The following MAPRE2 variants were observed in gnomAD, a reference collection of about 807,000 sequenced individuals.
MAPRE2 encodes the protein microtubule associated protein RP/EB family member 2, also known as microtubule-associated protein RP/EB family member 2.
In MAPRE2, 13 loss-of-function variants were observed where a neutral mutation model predicts 43.2. The observed-to-expected ratio is 0.30, with a 90% CI of 0.20 to 0.48. The LOEUF (loss-of-function observed/expected upper bound fraction) is 0.48, where lower values mean the gene tolerates loss of function less well. Among genes scored for constraint, MAPRE2 ranks in the 20% least tolerant of loss-of-function variants. The pLI is 0.99. For missense variants in MAPRE2, 161 were observed against 400.2 expected (o/e 0.40, Z 5.10); for synonymous variants, 135 against 148.8 (o/e 0.91, Z 0.68).
At chr18:35,084,887 T>C (rs1907798229) in intron 2 of MAPRE2, among the ~76,000 whole-genome samples, 1 of 152,208 alleles carries the variant, frequency 6.6e-6, no homozygotes, top group African/African-American at 2.4e-5. Flanking sequence ...TGATCTTTAT[T>C]TTGGCATTTG....
chr18:34,978,504 T>C (rs139184551), intron 1 of MAPRE2: 2 of 1,551,526 alleles, frequency 1.3e-6, no homozygotes, highest in East Asian at 2.4e-5. Flanking sequence ...TTTTGCTGAA[T>C]AGGACACTGT....
chr18:35,003,986 C>T (rs2097030586), intron 1 of MAPRE2, among the ~76,000 whole-genome samples: 1 of 152,166 alleles, frequency 6.6e-6, no homozygotes, highest in Non-Finnish European at 1.5e-5. Flanking sequence ...TAGTTATTGA[C>T]ACTATGTACA....
At chr18:35,037,343 A>C (rs2097051071), upstream of MAPRE2, among the ~76,000 whole-genome samples, 2 of 152,222 alleles carry the variant, frequency 1.3e-5, no homozygotes, top group South Asian at 4.1e-4. Context: ...TTTAATCTCC[A>C]TCTCCACAGC....
chr18:35,043,895 G>A (rs1603393315), intron 1 of MAPRE2, among the ~76,000 whole-genome samples: 1 of 152,242 alleles, frequency 6.6e-6, no homozygotes, highest in African/African-American at 2.4e-5. Context: ...ATAGGAAAAG[G>A]AAAAATGTGA....
chr18:35,023,322 T>G (rs1183303709), intron 2 of MAPRE2, among the ~76,000 whole-genome samples: 1 of 151,708 alleles, frequency 6.6e-6, no homozygotes, highest in African/African-American at 2.4e-5. Flanking sequence ...ACCATCCTGG[T>G]GAACACTGTG....
chr18:35,096,707 CAATT>C (rs996299310), intron 2 of MAPRE2, among the ~76,000 whole-genome samples: 26 of 151,702 alleles, frequency 1.7e-4, no homozygotes, highest in African/African-American at 6.1e-4. Context: ...CAAAATTTAA[CAATT>C]AAATTTACCA....
chr18:34,993,121 G>A (rs1441267536), intron 1 of MAPRE2, among the ~76,000 whole-genome samples: 1 of 152,128 alleles, frequency 6.6e-6, no homozygotes, highest in African/African-American at 2.4e-5. Flanking sequence ...ATGAATGAAT[G>A]AGTGAGACAG....
intron 1 of MAPRE2, among the ~76,000 whole-genome samples, chr18:35,060,376 T>C (rs918114963): frequency 6.6e-5 from 10 of 152,128 alleles, no homozygotes; most frequent in Non-Finnish European, 1.3e-4. Flanking sequence ...CTCTAGGTCA[T>C]TGAAATTATT....
chr18:35,057,975 G>A (rs507549), intron 1 of MAPRE2, among the ~76,000 whole-genome samples: 95,312 of 152,026 alleles, frequency 0.63, 29,936 homozygotes, highest in East Asian at 0.84. Context: ...TAAAGTGCAG[G>A]AGAGAACCTG....
chr18:35,016,575 A>G (rs2097038398), intron 2 of MAPRE2, among the ~76,000 whole-genome samples: 2 of 151,976 alleles, frequency 1.3e-5, no homozygotes, highest in African/African-American at 4.8e-5. Flanking sequence ...AGCATTTTTC[A>G]TAAGTTTGTT....
At chr18:35,068,101 G>A (rs899998838) in intron 1 of MAPRE2, among the ~76,000 whole-genome samples, 1 of 152,068 alleles carries the variant, frequency 6.6e-6, no homozygotes, top group African/African-American at 2.4e-5. Flanking sequence ...CCTTCATTTA[G>A]CACTTTAAAG....
At chr18:35,013,163 T>C (rs1413284502) in intron 2 of MAPRE2, among the ~76,000 whole-genome samples, 5 of 152,238 alleles carry the variant, frequency 3.3e-5, no homozygotes, top group African/African-American at 1.2e-4. Flanking sequence ...GGGAGCCAGA[T>C]GCAAGAAGTT....
At chr18:35,105,083 T>C (rs779436439) in intron 4 of MAPRE2, among the ~76,000 whole-genome samples, 3 of 152,140 alleles carry the variant, frequency 2.0e-5, no homozygotes, top group East Asian at 1.9e-4. Context: ...GGCCTCGTTT[T>C]CTAGGAATTC....
At chr18:35,004,149 C>T (rs554966427) in intron 1 of MAPRE2, among the ~76,000 whole-genome samples, 18 of 152,190 alleles carry the variant, frequency 1.2e-4, no homozygotes, top group African/African-American at 4.1e-4. Flanking sequence ...TTTAACTAAA[C>T]ATCTCCTTTT....
rs1320300034 is a variant in MAPRE2, at chr18:35,115,345, CAGT to C, written c.611-11600_611-11598del. Among the ~76,000 whole-genome samples, 3 of 152,278 alleles carry C rather than the reference CAGT, an allele frequency of 2.0e-5. No individual in the cohort carries two copies. The East Asian group carries it at 5.8e-4, about 29-fold the overall frequency. ...TTAGAAAGTATGCTAGTACACTACA[CAGT>C]AGCTCAGAAAATGTTTCCTTTTGAA... On this transcript the variant is annotated intron_variant, in intron 4 of 6. Coordinates refer to ENST00000300249, the MANE Select transcript of MAPRE2 (RefSeq NM_014268.4).
intron 4 of MAPRE2, among the ~76,000 whole-genome samples, chr18:35,108,143 C>A (rs1057042296): frequency 6.6e-6 from 1 of 152,146 alleles, no homozygotes; most frequent in African/African-American, 2.4e-5. Context: ...CCCAAACAGG[C>A]CCCAGTGTAT....
At chr18:35,092,237 C>T (rs916631769) in intron 2 of MAPRE2, among the ~76,000 whole-genome samples, 36 of 152,112 alleles carry the variant, frequency 2.4e-4, no homozygotes, top group Admixed American at 1.5e-3. Context: ...TGGGTGGGGA[C>T]GCAGATCCAA....
chr18:35,126,512 A>G (rs1403754370), intron 4 of MAPRE2, among the ~76,000 whole-genome samples: 2 of 152,254 alleles, frequency 1.3e-5, no homozygotes, highest in African/African-American at 2.4e-5. Context: ...GTTTTAAAAG[A>G]GAAAAAAATA....
chr18:35,134,472 A>G (rs916710017), intron 6 of MAPRE2, among the ~76,000 whole-genome samples: 3 of 152,246 alleles, frequency 2.0e-5, no homozygotes, highest in Admixed American at 2.0e-4. Context: ...TACTAACCCA[A>G]TGGCTCATAG....
Sources: gnomAD v4.1 joint callset for allele counts (sites outside exome capture counted in the v4.1 genomes callset) on GRCh38, gnomAD v4.1.1 for gene constraint, MANE v1.5 for transcripts, NCBI Gene and HGNC (gene_info 2026-07-23, HGNC 2026-07-21) for gene names.